DEPTOR: variants seen among roughly 807,000 people sequenced by gnomAD.
DEPTOR encodes the protein DEP domain-containing mTOR-interacting protein.
DEPTOR carries 41 observed loss-of-function variants against 41.6 expected under a neutral mutation model. The observed-to-expected ratio is 0.98, with a 90% confidence interval of 0.77 to 1.28. The LOEUF (loss-of-function observed/expected upper bound fraction) is 1.28. DEPTOR is among the 50% of genes most tolerant of loss of function. The pLI is 0.00. For missense variants in DEPTOR, 514 were observed against 527.9 expected (o/e 0.97, Z 0.26); for synonymous variants, 195 against 192.3 (o/e 1.01, Z -0.12).
intron 1 of DEPTOR, among the ~76,000 whole-genome samples, chr8:119,928,089 G>T (rs1391503310): frequency 6.6e-6 from 1 of 152,138 alleles, no homozygotes; most frequent in Admixed American, 6.6e-5. Context: ...CCCCACTGGA[G>T]AGAGAAAAAG....
intron 4 of DEPTOR, among the ~76,000 whole-genome samples, chr8:119,991,104 CTT>C (rs1386158084): frequency 1.4e-5 from 1 of 69,264 alleles, no homozygotes; most frequent in Non-Finnish European, 3.2e-5. Context: ...TTCTTTCTTT[CTT>C]TCTTTCTTTC....
At chr8:119,978,644 T>C in intron 4 of DEPTOR, among the ~76,000 whole-genome samples, 1 of 152,142 alleles carries the variant, frequency 6.6e-6, no homozygotes, top group East Asian at 1.9e-4. Context: ...GTTTCTAGTA[T>C]CAGCCCCCTC....
At chr8:119,882,448 G>A (rs1228985216) in intron 1 of DEPTOR, among the ~76,000 whole-genome samples, 3 of 151,728 alleles carry the variant, frequency 2.0e-5, no homozygotes, top group Non-Finnish European at 2.9e-5. Context: ...TTGCCCAGGT[G>A]CAGTGGCATG....
chr8:119,995,523 T>A (rs1586650084), intron 4 of DEPTOR, among the ~76,000 whole-genome samples: 2 of 151,060 alleles, frequency 1.3e-5, no homozygotes, highest in South Asian at 4.2e-4. Flanking sequence ...GAGGCGGAGG[T>A]TGCAGTGGGC....
At chr8:119,965,175 A>G in intron 3 of DEPTOR, 57 bp from the exon 4 acceptor site, 1 of 1,521,144 alleles carries the variant, frequency 6.6e-7, no homozygotes, top group South Asian at 1.3e-5. Flanking sequence ...ATGATTTCAA[A>G]TGAGCTGTTT....
chr8:120,002,838 A>G, intron 5 of DEPTOR, 139 bp from the exon 6 acceptor site: 1 of 605,758 alleles, frequency 1.7e-6, no homozygotes, highest in South Asian at 4.9e-5. Context: ...CAGAGCTGCA[A>G]CTCAAGTTCT....
intron 4 of DEPTOR, among the ~76,000 whole-genome samples, chr8:119,983,669 C>A (rs1002004430): frequency 1.3e-5 from 2 of 152,144 alleles, no homozygotes; most frequent in African/African-American, 4.8e-5. Context: ...CAGGCATGAG[C>A]CACCGTGCCT....
At chr8:120,028,452 CTTTT>C (rs754049805) in intron 8 of DEPTOR, among the ~76,000 whole-genome samples, 6 of 107,364 alleles carry the variant, frequency 5.6e-5, no homozygotes, top group African/African-American at 2.1e-4. Flanking sequence ...AGCTCCAAAT[CTTTT>C]TTTTTTTTTT....
At chr8:120,021,892 T>G (rs749189660) in intron 8 of DEPTOR, among the ~76,000 whole-genome samples, 23 of 151,892 alleles carry the variant, frequency 1.5e-4, no homozygotes, top group Non-Finnish European at 1.2e-4. Flanking sequence ...AACCTTTAAT[T>G]GCAACTCTTA....
At chr8:119,983,430 G>T (rs1455693422) in intron 4 of DEPTOR, among the ~76,000 whole-genome samples, 1 of 152,008 alleles carries the variant, frequency 6.6e-6, no homozygotes, top group East Asian at 1.9e-4. Context: ...TGTTACCCAG[G>T]CTGGAGTGGA....
At chr8:119,895,546 G>A (rs1164734990) in intron 1 of DEPTOR, among the ~76,000 whole-genome samples, 2 of 152,200 alleles carry the variant, frequency 1.3e-5, no homozygotes, top group East Asian at 3.8e-4. Flanking sequence ...ATAAGCATGA[G>A]AATGGCTGAA....
intron 8 of DEPTOR, among the ~76,000 whole-genome samples, chr8:120,009,803 T>C (rs1031944734): frequency 6.6e-6 from 1 of 152,146 alleles, no homozygotes; most frequent in African/African-American, 2.4e-5. Context: ...ACATATGATA[T>C]AGGAACCAGG....
In DEPTOR at chr8:120,006,294, C is replaced by T. The variant is rs188474913; in HGVS notation, c.926-511C>T. On this transcript the variant is annotated intron_variant, in intron 6 of 8. Transcript: ENST00000286234. ...ATCCCAGCACTTTGGGAGGCTGAGGCAGGCAGATTGCCTGAGGTCACGAGT... is the reference window on the plus strand; with the variant it reads ...ATCCCAGCACTTTGGGAGGCTGAGGTAGGCAGATTGCCTGAGGTCACGAGT... Among the ~76,000 whole-genome samples the T allele has an allele frequency of 1.7e-3, 263 of 152,180 alleles. 1 individual carries two copies. Among genetic ancestry groups the T allele is most frequent in the African/African-American group, 6.0e-3 (250 of 41,542 alleles).
chr8:119,972,466 T>TA (rs1828645038), intron 4 of DEPTOR, among the ~76,000 whole-genome samples: 1 of 151,924 alleles, frequency 6.6e-6, no homozygotes, highest in South Asian at 2.1e-4. Flanking sequence ...CTACCAAAAA[T>TA]ACAAAAATTA....
rs912661793 is a variant in DEPTOR, at chr8:120,039,937, C to T, written c.1102-9639C>T. On this transcript the variant is annotated intron_variant, in intron 8 of 8. Transcript: ENST00000286234. ...TCGCCTCACTGCAGTCTCTGCCTCT[C>T]GGTTCAAGCAATTCTCGTGCCTCAG... 3.9e-5 allele frequency among the ~76,000 whole-genome samples: 6 copies of T among 152,082 alleles called. No individual in the cohort carries two copies. The South Asian group carries it at 1.0e-3, about 26-fold the overall frequency.
At chr8:119,965,920 T>C (rs1305312323) in intron 4 of DEPTOR, among the ~76,000 whole-genome samples, 2 of 152,220 alleles carry the variant, frequency 1.3e-5, no homozygotes, top group South Asian at 2.1e-4. Flanking sequence ...ATCATAATGA[T>C]GCAATGTAAG....
intron 4 of DEPTOR, among the ~76,000 whole-genome samples, chr8:119,982,459 A>T (rs1340964026): frequency 2.6e-5 from 4 of 152,194 alleles, no homozygotes; most frequent in Non-Finnish European, 5.9e-5. Context: ...TTGGGATGCT[A>T]GCTGGGTTGT....
intron 1 of DEPTOR, among the ~76,000 whole-genome samples, chr8:119,883,500 G>T (rs532902411): frequency 5.9e-5 from 8 of 135,150 alleles, no homozygotes; most frequent in African/African-American, 1.9e-4. Flanking sequence ...AAAAAAAGAA[G>T]GATATGCTTT....
At chr8:119,925,542 A>C (rs1199057712) in intron 1 of DEPTOR, among the ~76,000 whole-genome samples, 1 of 152,158 alleles carries the variant, frequency 6.6e-6, no homozygotes, top group Non-Finnish European at 1.5e-5. Flanking sequence ...TGCCCTTGAC[A>C]CATGGGGATT....
Sources: gnomAD v4.1 joint callset for allele counts (sites outside exome capture counted in the v4.1 genomes callset) on GRCh38, gnomAD v4.1.1 for gene constraint, MANE v1.5 for transcripts, NCBI Gene and HGNC (gene_info 2026-07-23, HGNC 2026-07-21) for gene names.